Variants in FRYL observed in about 807,000 individuals in gnomAD.
The protein encoded by FRYL is FRY like transcription coactivator.
Under a neutral mutation model 351.2 loss-of-function variants are expected in FRYL, and 150 were observed. The ratio of observed to expected loss-of-function variants is 0.43; its 90% CI spans 0.37 to 0.49. The LOEUF is 0.49. Ranked by LOEUF, FRYL falls within the 20% of genes least tolerant of loss-of-function variation. The probability of loss-of-function intolerance (pLI) is 0.00; values close to 1 mark genes in which losing one functional copy is unlikely to be tolerated. For synonymous variants in FRYL, 1,153 were observed against 1,257.1 expected, an observed-to-expected ratio of 0.92 and a Z score of 1.75; for missense variants, 3,036 against 3,619.3, an observed-to-expected ratio of 0.84 and a Z score of 4.13.
intron 3 of FRYL, among the ~76,000 whole-genome samples, chr4:48,656,784 C>G (rs1466944373): frequency 6.6e-6 from 1 of 151,020 alleles, no homozygotes; most frequent in Non-Finnish European, 1.5e-5. Context: ...CTTTGGAACA[C>G]ACGCAAGAAA....
intron 33 of FRYL, among the ~76,000 whole-genome samples, chr4:48,560,062 G>A (rs1376033426): frequency 2.0e-5 from 3 of 152,040 alleles, no homozygotes; most frequent in Non-Finnish European, 4.4e-5. Context: ...GTATATACTC[G>A]AGGCAAGGCA....
chr4:48,754,180 C>T (rs149424294), intron 1 of FRYL, among the ~76,000 whole-genome samples: 37 of 152,306 alleles, frequency 2.4e-4, no homozygotes, highest in Middle Eastern at 3.4e-3. Flanking sequence ...TAAGCAGTCA[C>T]CATTCTTCCT....
intron 17 of FRYL, 133 bp from the exon 18 acceptor site, chr4:48,590,010 A>G: frequency 1.4e-6 from 1 of 710,102 alleles, no homozygotes; most frequent in Non-Finnish European, 2.3e-6. Context: ...ACTGTGACAT[A>G]TTCTTCTCCC....
intron 1 of FRYL, among the ~76,000 whole-genome samples, chr4:48,761,682 T>C (rs942039487): frequency 2.0e-5 from 3 of 152,176 alleles, no homozygotes; most frequent in Non-Finnish European, 2.9e-5. Flanking sequence ...TAGAAAAGTA[T>C]CTAGACGAGT....
intron 2 of FRYL, among the ~76,000 whole-genome samples, chr4:48,695,435 T>C (rs906816876): frequency 2.6e-5 from 4 of 152,188 alleles, no homozygotes; most frequent in Non-Finnish European, 4.4e-5. Flanking sequence ...AATGCTACTA[T>C]GTATCATTTG....
chr4:48,601,806 G>C (rs1280821556), intron 13 of FRYL, among the ~76,000 whole-genome samples: 3 of 151,952 alleles, frequency 2.0e-5, no homozygotes, highest in African/African-American at 7.3e-5. Flanking sequence ...GCATTCATTA[G>C]GACAAACTAA....
At chr4:48,532,752 T>C (rs1442144262) in intron 49 of FRYL, among the ~76,000 whole-genome samples, 3 of 152,184 alleles carry the variant, frequency 2.0e-5, no homozygotes, top group Non-Finnish European at 1.5e-5. Flanking sequence ...AATTACAATC[T>C]CTGGGCATCA....
intron 1 of FRYL, among the ~76,000 whole-genome samples, chr4:48,741,954 A>T (rs1772135894): frequency 6.6e-6 from 1 of 152,226 alleles, no homozygotes; most frequent in Non-Finnish European, 1.5e-5. Context: ...TGTCATTAGA[A>T]GTTTGTCCAA....
chr4:48,574,006 G>T (rs540558900), intron 25 of FRYL, among the ~76,000 whole-genome samples: 2 of 151,774 alleles, frequency 1.3e-5, no homozygotes, highest in South Asian at 4.2e-4. Context: ...TAAAAATATT[G>T]CCTCTGTGAA....
In FRYL at chr4:48,606,472, A is replaced by G. The variant is rs1485361786; in HGVS notation, c.707T>C (p.Val236Ala). ...MKFFRVKMYP[V>A]EDFEASFQFM... The stretch of plus-strand genomic sequence containing the variant: ...TTGAAATGATGCTTCAAAATCTTCT[A>G]CAGGATACATTTTTACTCGAAAAAA... Residue 236 changes from valine to alanine, a missense_variant, in exon 10 of 64, where the codon GTA (valine) becomes GCA (alanine). Around this residue, in one of 7 missense-constraint regions of FRYL, gnomAD observed 457 missense variants for 566.6 expected, o/e 0.81. Coordinates refer to ENST00000358350, the MANE Select transcript of FRYL (RefSeq NM_015030.2). 2 of 1,611,106 alleles carry G rather than the reference A, an allele frequency of 1.2e-6. No individual in the cohort carries two copies. The highest frequency in any genetic ancestry group is 1.1e-5 in the South Asian group (1 of 90,822).
chr4:48,541,920 G>C, intron 45 of FRYL, 107 bp downstream of exon 45: 4 of 746,174 alleles, frequency 5.4e-6, no homozygotes, highest in Non-Finnish European at 9.3e-6. Context: ...CATCTAATTT[G>C]GGCAGTATTG....
At chr4:48,709,409 A>G (rs1767768849) in intron 2 of FRYL, among the ~76,000 whole-genome samples, 1 of 152,218 alleles carries the variant, frequency 6.6e-6, no homozygotes, top group African/African-American at 2.4e-5. Flanking sequence ...AAAGTCCTCA[A>G]GGTCAGTAGG....
intron 1 of FRYL, among the ~76,000 whole-genome samples, chr4:48,765,195 G>A (rs1578968169): frequency 6.6e-6 from 1 of 152,104 alleles, no homozygotes. Flanking sequence ...CCAAATGCTA[G>A]AGCAATCTTG....
intron 3 of FRYL, among the ~76,000 whole-genome samples, chr4:48,676,888 A>T (rs576611415): frequency 6.6e-6 from 1 of 152,358 alleles, no homozygotes; most frequent in South Asian, 2.1e-4. Flanking sequence ...CACTTTATTG[A>T]ATTATGTAAT....
intron 4 of FRYL, among the ~76,000 whole-genome samples, chr4:48,634,069 T>C (rs1324300274): frequency 6.6e-6 from 1 of 152,238 alleles, no homozygotes; most frequent in Non-Finnish European, 1.5e-5. Context: ...ATTTCCTATG[T>C]TTTATTTGTT....
intron 3 of FRYL, chr4:48,653,630 T>C (rs77422573): frequency 0.017 from 14,662 of 866,884 alleles, 465 homozygotes; most frequent in South Asian, 0.083. Flanking sequence ...TCTATTTGGA[T>C]TGGTCTGAAG....
At chr4:48,689,694 T>A (rs1468035621) in intron 2 of FRYL, among the ~76,000 whole-genome samples, 1 of 152,174 alleles carries the variant, frequency 6.6e-6, no homozygotes, top group East Asian at 1.9e-4. Context: ...CAGTGGGAGC[T>A]TAAGCCTTTT....
chr4:48,561,429 T>C (rs777601160), intron 33 of FRYL, 39 bp downstream of exon 33: 3 of 1,315,448 alleles, frequency 2.3e-6, no homozygotes, highest in East Asian at 5.0e-5. Context: ...GAAGAAATGA[T>C]TGACAAATAG....
chr4:48,688,517 C>T (rs987555693), intron 2 of FRYL, among the ~76,000 whole-genome samples: 2 of 152,008 alleles, frequency 1.3e-5, no homozygotes, highest in Non-Finnish European at 2.9e-5. Context: ...CCTTTAATTA[C>T]CAAAGAAAAT....
Sources: allele counts gnomAD v4.1 joint callset (sites outside exome capture counted in the v4.1 genomes callset), GRCh38; gene constraint gnomAD v4.1.1; regional missense constraint gnomAD v4.1.1; transcripts MANE v1.5; gene names NCBI Gene and HGNC (gene_info 2026-07-23, HGNC 2026-07-21).